EPM2A: variants seen among roughly 807,000 people sequenced by gnomAD.
EPM2A encodes the protein laforin.
Under a neutral mutation model 26.5 loss-of-function variants are expected in EPM2A, and 21 were observed. The observed-to-expected ratio is 0.79, with a 90% CI of 0.56 to 1.14. The LOEUF (loss-of-function observed/expected upper bound fraction) is 1.14, where lower values mean the gene tolerates loss of function less well. Ranked by LOEUF, EPM2A falls within the 50% of genes most tolerant of loss-of-function variation. The pLI is 0.00. For missense variants in EPM2A, 458 were observed against 440.8 expected, an observed-to-expected ratio of 1.04 and a Z score of -0.35; for synonymous variants, 217 against 177.6, an observed-to-expected ratio of 1.22 and a Z score of -1.76.
intron 3 of EPM2A, among the ~76,000 whole-genome samples, chr6:145,632,983 T>C (rs551389102): frequency 1.8e-3 from 273 of 152,346 alleles, no homozygotes; most frequent in Middle Eastern, 6.8e-3. Flanking sequence ...AAAGAAGCTA[T>C]GCTACTGCAC....
At chr6:145,451,245 G>A (rs544101241) in intron 4 of EPM2A, among the ~76,000 whole-genome samples, 7 of 152,158 alleles carry the variant, frequency 4.6e-5, no homozygotes, top group Non-Finnish European at 7.3e-5. Context: ...AATGAAATGT[G>A]TCAACATGGG....
intron 2 of EPM2A, among the ~76,000 whole-genome samples, chr6:145,506,158 G>A (rs1285686384): frequency 2.0e-5 from 3 of 152,194 alleles, no homozygotes; most frequent in Non-Finnish European, 2.9e-5. Context: ...GTTTCCTTTG[G>A]TTTAGGGAGC....
chr6:145,596,783 A>G (rs906167774), intron 2 of EPM2A, among the ~76,000 whole-genome samples: 2 of 149,466 alleles, frequency 1.3e-5, no homozygotes, highest in Admixed American at 6.6e-5. Context: ...TTCTGCTATC[A>G]TTTGGACTAG....
intron 4 of EPM2A, among the ~76,000 whole-genome samples, chr6:145,435,572 A>T (rs879532543): frequency 6.6e-6 from 1 of 151,456 alleles, no homozygotes; most frequent in Non-Finnish European, 1.5e-5. Context: ...AATTATTCTG[A>T]TTTTTTTTAA....
At chr6:145,589,117 A>G (rs1359122944) in intron 2 of EPM2A, among the ~76,000 whole-genome samples, 1 of 152,166 alleles carries the variant, frequency 6.6e-6, no homozygotes, top group African/African-American at 2.4e-5. Flanking sequence ...GCTGGTGACA[A>G]ATAATCTTGC....
chr6:145,714,459 C>T (rs896251100), intron 1 of EPM2A, among the ~76,000 whole-genome samples: 1 of 152,112 alleles, frequency 6.6e-6, no homozygotes, highest in Non-Finnish European at 1.5e-5. Flanking sequence ...AAAAACATCA[C>T]CAAACTTCTC....
At chr6:145,482,364 G>C (rs1381398457) in intron 4 of EPM2A, among the ~76,000 whole-genome samples, 1 of 152,044 alleles carries the variant, frequency 6.6e-6, no homozygotes, top group Non-Finnish European at 1.5e-5. Flanking sequence ...GAATATAATG[G>C]TCATTGTTAG....
intron 4 of EPM2A, chr6:145,491,153 C>A: frequency 1.8e-6 from 1 of 542,314 alleles, no homozygotes; most frequent in Middle Eastern, 3.1e-4. Context: ...GCTGAGTTTT[C>A]TTTGTTCCTG....
chr6:145,734,354 A>T (rs1025895813), intron 1 of EPM2A, among the ~76,000 whole-genome samples: 1 of 147,298 alleles, frequency 6.8e-6, no homozygotes, highest in East Asian at 2.0e-4. Context: ...CAATTTTTGT[A>T]AAAAAAAAAA....
chr6:145,489,924 T>A lies in EPM2A; in HGVS notation c.555+12598A>T, dbSNP rs560138285. 2.2e-6 allele frequency: 3 copies of A among 1,359,070 alleles called. No individual in the cohort carries two copies. The African/African-American group carries it at 4.3e-5, about 19-fold the overall frequency. 84.2% of individuals were successfully genotyped at this position (1,359,070 alleles called of 1,614,324 possible). A position where few individuals can be genotyped will look rare whatever the true frequency, so the allele number is the denominator to read the frequency against. ...CTTCTTCAGTCTGAATTCGACCCAC[T>A]TCTAGATAACTTATTTGGACCTGCT... On this transcript the variant is annotated intron_variant, in intron 4 of 4. Coordinates refer to the EPM2A transcript ENST00000638717.
intron 2 of EPM2A, among the ~76,000 whole-genome samples, chr6:145,523,230 A>G (rs1430260379): frequency 3.3e-5 from 5 of 152,184 alleles, no homozygotes; most frequent in South Asian, 2.1e-4. Flanking sequence ...GATTGACGCA[A>G]TTCTACAATT....
intron 2 of EPM2A, among the ~76,000 whole-genome samples, chr6:145,602,375 A>G (rs2128550380): frequency 1.3e-5 from 2 of 152,358 alleles, no homozygotes; most frequent in Middle Eastern, 6.8e-3. Context: ...TTGACTTGAC[A>G]TTGATGATAA....
chr6:145,648,040 A>C (rs1777613512), intron 2 of EPM2A, among the ~76,000 whole-genome samples: 1 of 152,180 alleles, frequency 6.6e-6, no homozygotes, highest in Admixed American at 6.5e-5. Flanking sequence ...AATAGTAGTA[A>C]TTAGACCGCC....
intron 4 of EPM2A, among the ~76,000 whole-genome samples, chr6:145,482,062 C>T (rs1779616832): frequency 6.6e-6 from 1 of 152,134 alleles, no homozygotes; most frequent in South Asian, 2.1e-4. Flanking sequence ...TTCTTATTCT[C>T]TTTCTCTCAG....
intron 2 of EPM2A, among the ~76,000 whole-genome samples, chr6:145,654,558 C>T (rs568170712): frequency 6.6e-6 from 1 of 152,136 alleles, no homozygotes; most frequent in Non-Finnish European, 1.5e-5. Context: ...AAAGTCCAAC[C>T]GAAATTCCCA....
At chr6:145,653,026 G>A (rs1777996842) in intron 2 of EPM2A, among the ~76,000 whole-genome samples, 1 of 152,182 alleles carries the variant, frequency 6.6e-6, no homozygotes, top group African/African-American at 2.4e-5. Context: ...ATCTAGGAAA[G>A]AAGATTAAAC....
chr6:145,655,186 GA>G (rs5880651), intron 2 of EPM2A, among the ~76,000 whole-genome samples: 87,501 of 140,664 alleles, frequency 0.62, 26,444 homozygotes, highest in East Asian at 0.74. Flanking sequence ...ATTTTGCTGT[GA>G]AAAAAAAAAA....
intron 2 of EPM2A, among the ~76,000 whole-genome samples, chr6:145,673,481 C>T (rs755985771): frequency 2.6e-5 from 4 of 152,192 alleles, no homozygotes; most frequent in Non-Finnish European, 5.9e-5. Flanking sequence ...CATTGCCTCA[C>T]TCAGGAAGTG....
At position 145,609,358 on chromosome 6, in the gene EPM2A, A is replaced by G. The variant is rs865944706; in HGVS notation, c.340+25887T>C. On this transcript the variant is annotated intron_variant, in intron 2 of 3. Coordinates refer to the EPM2A transcript ENST00000450221. ...AATTTAAATTTGTTTTACTACCATC[A>G]GATAAGATTTTTGTCAGGTTTGTTT... 9.2e-5 allele frequency among the ~76,000 whole-genome samples: 14 copies of G among 152,340 alleles called. No individual in the cohort carries two copies. In the Middle Eastern group the frequency reaches 0.01, roughly 111 times the overall value.
Sources: gnomAD v4.1 joint callset for allele counts (sites outside exome capture counted in the v4.1 genomes callset) on GRCh38, gnomAD v4.1.1 for gene constraint, MANE v1.5 for transcripts, NCBI Gene and HGNC (gene_info 2026-07-23, HGNC 2026-07-21) for gene names.